Variants in PDGFA observed in about 807,000 individuals in gnomAD.
PDGFA encodes platelet-derived growth factor subunit A.
Under a neutral mutation model 25.6 loss-of-function variants are expected in PDGFA, and 9 were observed. That is an observed-to-expected ratio of 0.35 (90% confidence interval 0.21 to 0.61). PDGFA has a LOEUF of 0.61. Ranked by LOEUF, PDGFA falls within the 20% of genes least tolerant of loss-of-function variation. PDGFA has a pLI of 0.75. For synonymous variants in PDGFA, 133 were observed against 111.8 expected, an observed-to-expected ratio of 1.19 and a Z score of -1.20; for missense variants, 242 against 272.8, an observed-to-expected ratio of 0.89 and a Z score of 0.79.
rs370616003 is a variant in PDGFA, at chr7:501,030, C to A, written c.580+86G>T. 5.5e-5 allele frequency: 89 copies of A among 1,611,150 alleles called. No homozygotes were observed. The African/African-American group carries it at 8.7e-4, about 16-fold the overall frequency. ...CAGATGCTCACAGCAGTAAGCGTTGCGCTCAAGGGGGCCACCTAACACCCC... is the reference window on the plus strand; with the variant it reads ...CAGATGCTCACAGCAGTAAGCGTTGAGCTCAAGGGGGCCACCTAACACCCC... On this transcript the variant is annotated intron_variant, in intron 5 of 5. Coordinates refer to ENST00000402802, the Ensembl canonical transcript of PDGFA.
At chr7:515,025 A>G (rs1240291156) in intron 2 of PDGFA, among the ~76,000 whole-genome samples, 1 of 152,226 alleles carries the variant, frequency 6.6e-6, no homozygotes, top group Non-Finnish European at 1.5e-5. Flanking sequence ...CGCAGCCTGC[A>G]TGCTGGGAGG....
Position 500,343 on chromosome 7 carries a change from C to A in PDGFA, c.580+773G>T, listed in dbSNP as rs1331043369. ...AGGGCCACATCCCCGCCGCACCCGG[C>A]GAGACAGGAAGCGTGATTTGCTGGT... On this transcript the variant is annotated intron_variant, in intron 5 of 5. Coordinates refer to ENST00000402802, the Ensembl canonical transcript of PDGFA. This position sits in a 1 kb window ranked among gnomAD's most constrained non-coding sequence, Gnocchi z 5.0. 3 of 1,453,964 alleles carry A rather than the reference C, an allele frequency of 2.1e-6. No individual in the cohort carries two copies. The highest frequency in any genetic ancestry group is 2.9e-6 in the Non-Finnish European group (3 of 1,039,722). The allele number at this position is 1,453,964 out of a possible 1,614,324, so 90.1% of individuals were successfully genotyped here. A position where few individuals can be genotyped will look rare whatever the true frequency, so the allele number is the denominator to read the frequency against.
intron 4 of PDGFA, 114 bp from the exon 5 acceptor site, chr7:501,356 C>T (rs1782331399): frequency 3.0e-6 from 4 of 1,314,716 alleles, no homozygotes; most frequent in East Asian, 2.3e-5. Context: ...TGACCCCTGA[C>T]CTCCTCCCAG....
intron 1 of PDGFA, among the ~76,000 whole-genome samples, chr7:518,147 G>A (rs911230772): frequency 1.3e-5 from 2 of 152,190 alleles, no homozygotes; most frequent in Non-Finnish European, 2.9e-5. Flanking sequence ...CAGGGAAAGC[G>A]AGGGTTAAAC....
At chr7:501,319 C>T in intron 4 of PDGFA, 77 bp from the exon 5 acceptor site, 1 of 1,586,108 alleles carries the variant, frequency 6.3e-7, no homozygotes, top group Non-Finnish European at 8.6e-7. Context: ...GAGCCGGGGA[C>T]AGGCTGAGAG....
At chr7:512,733 G>T in intron 2 of PDGFA, 3 of 1,210,468 alleles carry the variant, frequency 2.5e-6, no homozygotes, top group Non-Finnish European at 3.2e-6. Context: ...CGAAGCGCAG[G>T]GCCCTTCGGG....
At chr7:518,275 G>A (rs936412029) in intron 1 of PDGFA, 1 of 151,438 alleles carries the variant, frequency 6.6e-6, no homozygotes. Flanking sequence ...GAAGCACTAA[G>A]TTCCCACGAC....
chr7:510,850 C>A, exon 4 of PDGFA: 1 of 1,609,536 alleles, frequency 6.2e-7, no homozygotes, highest in Non-Finnish European at 8.5e-7. Flanking sequence ...TGGCACTTGA[C>A]ACTGCTCGTG....
At chr7:505,801 C>T (rs1316533761) in intron 4 of PDGFA, among the ~76,000 whole-genome samples, 1 of 152,186 alleles carries the variant, frequency 6.6e-6, no homozygotes, top group Non-Finnish European at 1.5e-5. Flanking sequence ...AGAGCCCTGG[C>T]CCCACCGCCC....
intron 5 of PDGFA, among the ~76,000 whole-genome samples, chr7:499,484 C>A (rs1782230139): frequency 6.6e-6 from 1 of 152,234 alleles, no homozygotes; most frequent in South Asian, 2.1e-4. Context: ...CCAGGCCAGA[C>A]AGGGCTCCAA....
chr7:510,428 T>C (rs1277673151), intron 4 of PDGFA, among the ~76,000 whole-genome samples: 1 of 140,926 alleles, frequency 7.1e-6, no homozygotes. Flanking sequence ...CTCACCTGGA[T>C]GCTGCAGTGT....
chr7:516,004 C>A (rs1783074297), intron 2 of PDGFA, among the ~76,000 whole-genome samples: 1 of 119,392 alleles, frequency 8.4e-6, no homozygotes, highest in African/African-American at 3.4e-5. Flanking sequence ...TAGCACCCCC[C>A]CCCAGAAAAA....
At chr7:497,939 T>TGA (rs1554272950) in exon 6 of PDGFA, 1 of 20,138 alleles carries the variant, frequency 5.0e-5, no homozygotes, top group Non-Finnish European at 8.2e-5. Flanking sequence ...CTTTATGGTG[T>TGA]AAAAAAAAAA....
chr7:507,807 C>T (rs1328892272), intron 4 of PDGFA, among the ~76,000 whole-genome samples: 2 of 151,882 alleles, frequency 1.3e-5, no homozygotes, highest in African/African-American at 4.8e-5. Context: ...TGGGCTCATG[C>T]CAGGGGGGCT....
intron 4 of PDGFA, among the ~76,000 whole-genome samples, chr7:509,952 CCTT>C (rs1162888204): frequency 6.6e-6 from 1 of 152,068 alleles, no homozygotes; most frequent in African/African-American, 2.4e-5. Context: ...CACTCCTTCT[CCTT>C]CTCCTGGGCT....
chr7:502,044 G>A (rs772012114), intron 4 of PDGFA, among the ~76,000 whole-genome samples: 1 of 152,106 alleles, frequency 6.6e-6, no homozygotes, highest in Non-Finnish European at 1.5e-5. Context: ...GGGCAACATA[G>A]TAAGACCCTG....
chr7:520,000 G>C, upstream of PDGFA: 1 of 368,734 alleles, frequency 2.7e-6, no homozygotes, highest in South Asian at 1.8e-5. Flanking sequence ...GGCAGGGCCC[G>C]GGCGCCGCCG....
At chr7:498,344 A>T in exon 6 of PDGFA, 1 of 533,278 alleles carries the variant, frequency 1.9e-6, no homozygotes, top group Non-Finnish European at 3.3e-6. Flanking sequence ...CTTTTTGACA[A>T]GGAAGCTTCT....
At chr7:519,988 C>A, upstream of PDGFA, 1 of 351,192 alleles carries the variant, frequency 2.8e-6, no homozygotes, top group Non-Finnish European at 5.6e-6. Flanking sequence ...TCGTGCGGAC[C>A]CGGCAGGGCC....
Sources: allele counts gnomAD v4.1 joint callset (sites outside exome capture counted in the v4.1 genomes callset), GRCh38; gene constraint gnomAD v4.1.1; non-coding constraint Gnocchi (gnomAD v3.1); transcripts MANE v1.5; gene names NCBI Gene and HGNC (gene_info 2026-07-23, HGNC 2026-07-21).